The following RNASEH2C variants were observed in gnomAD, a reference collection of about 807,000 sequenced individuals.
RNASEH2C encodes RNase H1 small subunit.
In RNASEH2C, 20 loss-of-function variants were observed where a neutral mutation model predicts 16.3. The ratio of observed to expected loss-of-function variants is 1.23; its 90% CI spans 0.86 to 1.79. The LOEUF is 1.79. Ranked by LOEUF, RNASEH2C falls within the 40% of genes most tolerant of loss-of-function variation. RNASEH2C has a pLI of 0.00. For missense variants in RNASEH2C, 296 were observed against 235.9 expected, an observed-to-expected ratio of 1.25 and a Z score of -1.67; for synonymous variants, 106 against 98.9, an observed-to-expected ratio of 1.07 and a Z score of -0.43.
At position 65,719,043 on chromosome 11, in the gene RNASEH2C, C is replaced by T. The variant is rs761790368; in HGVS notation, c.*740G>A. ...CACCTGCTGAACCCATCTCCTCTGC[C>T]CAGGGCCAGTACATCCTCACACTGT... On this transcript the variant is annotated 3_prime_UTR_variant, in exon 4 of 4. Transcript: ENST00000308418. 1 of 1,613,956 alleles carries T rather than the reference C, an allele frequency of 6.2e-7. No homozygotes were observed. The highest frequency in any genetic ancestry group is 1.7e-5 in the Admixed American group (1 of 59,990).
Position 65,719,527 on chromosome 11 carries a change from G to T in RNASEH2C, c.*256C>A, listed in dbSNP as rs1487420541. Reference sequence around the variant, plus strand: ...CTTTTGTAAAGTAGAAGTTGGGGGTGGGGTGGGTGCTGGCTGCAAAAATTT... The same window carrying T: ...CTTTTGTAAAGTAGAAGTTGGGGGTTGGGTGGGTGCTGGCTGCAAAAATTT... On this transcript the variant is annotated 3_prime_UTR_variant, in exon 4 of 4. Coordinates refer to ENST00000308418, the MANE Select transcript of RNASEH2C (RefSeq NM_032193.4). The T allele has an allele frequency of 4.9e-6, 3 of 614,214 alleles. No homozygotes were observed. The East Asian group carries it at 8.2e-5, about 17-fold the overall frequency. The allele number at this position is 614,214 out of a possible 1,614,324, so 38.0% of individuals were successfully genotyped here.
At position 65,719,002 on chromosome 11, in the gene RNASEH2C, T is replaced by A. The variant is rs770976093; in HGVS notation, c.*781A>T. 1.9e-6 allele frequency: 3 copies of A among 1,613,808 alleles called. No homozygotes were observed. The African/African-American group carries it at 4.0e-5, about 22-fold the overall frequency. On this transcript the variant is annotated 3_prime_UTR_variant, in exon 4 of 4. Transcript: ENST00000308418. ...CAGGTGTGTGGGATGCAGAGTGCAG[T>A]CCTCTGTGGGCTGACCACCTGCTGA...
rs1857350040 is a variant in RNASEH2C, at chr11:65,720,268, C to T, written c.322G>A (p.Glu108Lys). The T allele has an allele frequency of 1.9e-6, 3 of 1,614,268 alleles. No homozygotes were observed. Among genetic ancestry groups the T allele is most frequent in the South Asian group, 1.1e-5 (1 of 91,080 alleles). The change falls in exon 2 of 4, where the codon GAG (glutamate) becomes AAG (lysine). Residue 108 changes from glutamate (E) to lysine (K), a missense_variant. By Grantham distance (56) the Glu-to-Lys change is moderately conservative. Coordinates refer to ENST00000308418, the MANE Select transcript of RNASEH2C (RefSeq NM_032193.4). ...AAGTCCCGCTCCAGCGGCTCCTCCT[C>T]TTGGTCGTCAGTCCCGGAATCCCGC... ...PLRDSGTDDQ[E>K]EEPLERDFDR... is the part of the protein sequence containing the mutation.
Position 65,719,792 on chromosome 11 carries a change from G to C in RNASEH2C, c.486C>G (p.Pro162=). The C allele has an allele frequency of 6.2e-7, 1 of 1,614,086 alleles. No individual in the cohort carries two copies. The highest frequency in any genetic ancestry group is 8.5e-7 in the Non-Finnish European group (1 of 1,180,008). Residue 162 remains proline (P), a synonymous_variant, in exon 4 of 4, where the codon CCC becomes CCG. Coordinates refer to ENST00000308418, the MANE Select transcript of RNASEH2C (RefSeq NM_032193.4). The part of the protein sequence containing the change: ...SLAAAIHAQV[P]ED Reference sequence around the variant, plus strand: ...TTTCAAGCTCTGGTTCTCAGTCCTCGGGCACCTGTGCGTGAATCTGCAACA... The same window carrying C: ...TTTCAAGCTCTGGTTCTCAGTCCTCCGGCACCTGTGCGTGAATCTGCAACA...
chr11:65,718,251 C>T lies in RNASEH2C; in HGVS notation c.*1532G>A, dbSNP rs376966597. ...TCCTTACATGGCTAGACACAGAGCC[C>T]GGGATGGCAAAGGAAAATTGGAGGC... On this transcript the variant is annotated 3_prime_UTR_variant, in exon 4 of 4. Transcript: ENST00000308418. The T allele has an allele frequency of 8.9e-5, 21 of 235,600 alleles. No individual in the cohort carries two copies. In the East Asian group the frequency reaches 1.2e-3, roughly 14 times the overall value. 14.6% of individuals were successfully genotyped at this position (235,600 alleles called of 1,614,324 possible).
At position 65,719,299 on chromosome 11, in the gene RNASEH2C, A is replaced by G. The variant is rs1320622853; in HGVS notation, c.*484T>C. 2.4e-6 allele frequency: 3 copies of G among 1,272,262 alleles called. No individual in the cohort carries two copies. The highest frequency in any genetic ancestry group is 3.2e-6 in the Non-Finnish European group (3 of 928,426). 78.8% of individuals were successfully genotyped at this position (1,272,262 alleles called of 1,614,324 possible). A position where few individuals can be genotyped will look rare whatever the true frequency, so the allele number is the denominator to read the frequency against. On this transcript the variant is annotated 3_prime_UTR_variant, in exon 4 of 4. Transcript: ENST00000308418. ...GGGAGATGGGGCTGAGGACAGCTCA[A>G]AAAGGAGAGGACAGGCCTGGCAGGG... is the stretch of plus-strand genomic sequence containing the variant.
In RNASEH2C at chr11:65,718,437, G is replaced by C. The variant is rs1199418591; in HGVS notation, c.*1346C>G. 1.4e-6 allele frequency: 1 copy of C among 739,388 alleles called. No homozygotes were observed. Among genetic ancestry groups the C allele is most frequent in the Non-Finnish European group, 2.3e-6 (1 of 438,812 alleles). 45.8% of individuals were successfully genotyped at this position (739,388 alleles called of 1,614,324 possible). A position where few individuals can be genotyped will look rare whatever the true frequency, so the allele number is the denominator to read the frequency against. On this transcript the variant is annotated 3_prime_UTR_variant, in exon 4 of 4. Transcript: ENST00000308418. ...AGTGAATACTCAGTTCTTCCTGAGG[G>C]AACTGAGGCACAGAGAAGTGGAGGG...
At position 65,720,664 on chromosome 11, in the gene RNASEH2C, A is replaced by T. The variant is rs1379837749; in HGVS notation, c.95T>A (p.Leu32Gln). 1.3e-6 allele frequency: 2 copies of T among 1,595,036 alleles called. No individual in the cohort carries two copies. The highest frequency in any genetic ancestry group is 2.7e-5 in the African/African-American group (2 of 74,460). Residue 32 changes from leucine (L) to glutamine (Q), a missense_variant, in exon 1 of 4, where the codon CTG becomes CAG. Physicochemically the swap from Leu to Gln is moderately radical, Grantham distance 113 (BLOSUM62 -2). Coordinates refer to ENST00000308418, the MANE Select transcript of RNASEH2C (RefSeq NM_032193.4). The stretch of plus-strand genomic sequence containing the variant: ...CCCGTCCACCGCAACCTCGCAGGGC[A>T]GCAGATGCAGTGTGGCGGGTACGGC... ...RDAVPATLHL[L>Q]PCEVAVDGPA...
chr11:65,719,237 A>C lies in RNASEH2C; in HGVS notation c.*546T>G, dbSNP rs1590971072. 1 of 1,584,782 alleles carries C rather than the reference A, an allele frequency of 6.3e-7. No individual in the cohort carries two copies. The highest frequency in any genetic ancestry group is 1.7e-5 in the Admixed American group (1 of 58,740). ...GCAGCAGGACTGGGGCTGATAGCCC[A>C]CCCCGCCCCCACTGCAGCTCCCACA... is the stretch of plus-strand genomic sequence containing the variant. On this transcript the variant is annotated 3_prime_UTR_variant, in exon 4 of 4. Transcript: ENST00000308418.
Position 65,720,785 on chromosome 11 carries a change from C to T in RNASEH2C, c.-27G>A, listed in dbSNP as rs549471118. 8.6e-5 allele frequency: 135 copies of T among 1,567,468 alleles called. No homozygotes were observed. Among genetic ancestry groups the T allele is most frequent in the Non-Finnish European group, 1.1e-4 (123 of 1,164,054 alleles). On this transcript the variant is annotated 5_prime_UTR_variant, in exon 1 of 4. Coordinates refer to ENST00000308418, the MANE Select transcript of RNASEH2C (RefSeq NM_032193.4). ...CTCCCTCCTACGCGACGCCAGGGCT[C>T]GCGAGCTGACACTGAAGCTGGCGCG...
chr11:65,718,382 T>C lies in RNASEH2C; in HGVS notation c.*1401A>G. ...GCAGCTGCTCCTCTCAGTGCCCTCA[T>C]GCCCTCCACTGTGCTCAGCGCACGG... On this transcript the variant is annotated 3_prime_UTR_variant, in exon 4 of 4. Transcript: ENST00000308418. The C allele has an allele frequency of 1.8e-6, 1 of 559,852 alleles. No individual in the cohort carries two copies. The highest frequency in any genetic ancestry group is 3.1e-5 in the Admixed American group (1 of 32,546). 34.7% of individuals were successfully genotyped at this position (559,852 alleles called of 1,614,324 possible). A position where few individuals can be genotyped will look rare whatever the true frequency, so the allele number is the denominator to read the frequency against.
In RNASEH2C at chr11:65,720,728, T is replaced by C. The variant is rs1857363170; in HGVS notation, c.31A>G (p.Arg11Gly). 8 of 1,597,208 alleles carry C rather than the reference T, an allele frequency of 5.0e-6. No homozygotes were observed. The highest frequency in any genetic ancestry group is 6.8e-6 in the Non-Finnish European group (8 of 1,175,978). The change falls in exon 1 of 4, where the codon AGG (arginine) becomes GGG (glycine). Residue 11 changes from arginine (R) to glycine (G), a missense_variant. Coordinates refer to ENST00000308418, the MANE Select transcript of RNASEH2C (RefSeq NM_032193.4). The part of the protein sequence containing the change: MESGDEAAIE[R>G]HRVHLRSATL... ...GCGGAGCGCAAGTGGACGCGGTGCC[T>C]CTCGATGGCCGCTTCGTCGCCGCTC...
chr11:65,719,021 C>T lies in RNASEH2C; in HGVS notation c.*762G>A, dbSNP rs1211595284. On this transcript the variant is annotated 3_prime_UTR_variant, in exon 4 of 4. Transcript: ENST00000308418. Reference sequence around the variant, plus strand: ...GTGCAGTCCTCTGTGGGCTGACCACCTGCTGAACCCATCTCCTCTGCCCAG... The same window carrying T: ...GTGCAGTCCTCTGTGGGCTGACCACTTGCTGAACCCATCTCCTCTGCCCAG... 1.9e-6 allele frequency: 3 copies of T among 1,614,034 alleles called. No individual in the cohort carries two copies. The highest frequency in any genetic ancestry group is 2.5e-6 in the Non-Finnish European group (3 of 1,179,928).
At position 65,719,578 on chromosome 11, in the gene RNASEH2C, C is replaced by T; in HGVS notation, c.*205G>A. On this transcript the variant is annotated 3_prime_UTR_variant, in exon 4 of 4. Transcript: ENST00000308418. ...CTGGCTTCTCTTACCCCTATTGCCC[C>T]CGGCAATAAATTGTTTCTATATGCC... 1 of 658,410 alleles carries T rather than the reference C, an allele frequency of 1.5e-6. No individual in the cohort carries two copies. The highest frequency in any genetic ancestry group is 2.7e-6 in the Non-Finnish European group (1 of 371,996). 40.8% of individuals were successfully genotyped at this position (658,410 alleles called of 1,614,324 possible).
chr11:65,719,615 A>G lies in RNASEH2C; in HGVS notation c.*168T>C. The G allele has an allele frequency of 1.3e-6, 1 of 751,792 alleles. No individual in the cohort carries two copies. The highest frequency in any genetic ancestry group is 2.4e-6 in the Non-Finnish European group (1 of 425,230). 46.6% of individuals were successfully genotyped at this position (751,792 alleles called of 1,614,324 possible). On this transcript the variant is annotated 3_prime_UTR_variant, in exon 4 of 4. Coordinates refer to ENST00000308418, the MANE Select transcript of RNASEH2C (RefSeq NM_032193.4). ...TGTTTCTATATGCCAGAGCCATGCA[A>G]AGTTCTTGGTGGGGAGGGGGAAAGG... is the stretch of plus-strand genomic sequence containing the variant.
At chr11:65,720,009 C>T in intron 3 of RNASEH2C, 36 bp downstream of exon 3, 1 of 1,611,394 alleles carries the variant, frequency 6.2e-7, no homozygotes, top group Non-Finnish European at 8.5e-7. Context: ...CCAGCCCATC[C>T]ACCCGGGGGC....
Position 65,719,049 on chromosome 11 carries a change from C to T in RNASEH2C, c.*734G>A, listed in dbSNP as rs1857305455. 1 of 1,614,104 alleles carries T rather than the reference C, an allele frequency of 6.2e-7. No homozygotes were observed. Among genetic ancestry groups the T allele is most frequent in the Non-Finnish European group, 8.5e-7 (1 of 1,179,978 alleles). On this transcript the variant is annotated 3_prime_UTR_variant, in exon 4 of 4. Transcript: ENST00000308418. The stretch of plus-strand genomic sequence containing the variant: ...CTGAACCCATCTCCTCTGCCCAGGG[C>T]CAGTACATCCTCACACTGTCAGAGG...
chr11:65,720,787 C>G lies in RNASEH2C; in HGVS notation c.-29G>C, dbSNP rs777126717. ...CCCTCCTACGCGACGCCAGGGCTCGCGAGCTGACACTGAAGCTGGCGCGGA... is the reference window on the plus strand; with the variant it reads ...CCCTCCTACGCGACGCCAGGGCTCGGGAGCTGACACTGAAGCTGGCGCGGA... On this transcript the variant is annotated 5_prime_UTR_variant, in exon 1 of 4. Coordinates refer to ENST00000308418, the MANE Select transcript of RNASEH2C (RefSeq NM_032193.4). The G allele has an allele frequency of 3.8e-6, 6 of 1,566,380 alleles. No individual in the cohort carries two copies. Among genetic ancestry groups the G allele is most frequent in the East Asian group, 4.7e-5 (2 of 42,384 alleles).
chr11:65,718,091 C>T lies in RNASEH2C; in HGVS notation c.*1692G>A, dbSNP rs1218401098. On this transcript the variant is annotated 3_prime_UTR_variant, in exon 4 of 4. Transcript: ENST00000308418. ...GGAAGCACCTTGGTGCACCTTTTCT[C>T]CTTGCATCCTCACAACCACCCAGTC... 1 of 154,160 alleles carries T rather than the reference C, an allele frequency of 6.5e-6. No homozygotes were observed. Among genetic ancestry groups the T allele is most frequent in the Non-Finnish European group, 1.4e-5 (1 of 69,452 alleles). 9.5% of individuals were successfully genotyped at this position (154,160 alleles called of 1,614,324 possible). A position where few individuals can be genotyped will look rare whatever the true frequency, so the allele number is the denominator to read the frequency against.
Sources: allele counts gnomAD v4.1 joint callset, GRCh38; gene constraint gnomAD v4.1.1; transcripts MANE v1.5; gene names NCBI Gene and HGNC (gene_info 2026-07-23, HGNC 2026-07-21).